Variants in KATNIP observed in about 807,000 individuals in gnomAD.
The protein encoded by KATNIP is katanin-interacting protein.
Under a neutral mutation model 174.0 loss-of-function variants are expected in KATNIP, and 126 were observed. The ratio of observed to expected loss-of-function variants is 0.72; its 90% CI spans 0.63 to 0.84. KATNIP has a LOEUF of 0.84. Ranked by LOEUF, KATNIP falls within the 40% of genes least tolerant of loss-of-function variation. The probability of loss-of-function intolerance (pLI) is 0.00; values close to 1 mark genes in which losing one functional copy is unlikely to be tolerated. For missense variants in KATNIP, 1,958 were observed against 2,109.7 expected (o/e 0.93, Z 1.41); for synonymous variants, 810 against 835.7 (o/e 0.97, Z 0.53).
At chr16:27,661,270 G>A (rs951712858) in intron 6 of KATNIP, among the ~76,000 whole-genome samples, 1 of 152,190 alleles carries the variant, frequency 6.6e-6, no homozygotes, top group Non-Finnish European at 1.5e-5. Flanking sequence ...GTCAGGGCAT[G>A]CAGGGAATGG....
At chr16:27,767,241 G>A (rs549359018) in intron 20 of KATNIP, among the ~76,000 whole-genome samples, 186 of 152,240 alleles carry the variant, frequency 1.2e-3, no homozygotes, top group South Asian at 0.01. Context: ...CCTCTGGCAC[G>A]TGGCCTGCCT....
In KATNIP at chr16:27,657,858, C is replaced by T. The variant is rs534461291; in HGVS notation, c.540+9123C>T. Among the ~76,000 whole-genome samples the T allele has an allele frequency of 3.3e-5, 5 of 152,178 alleles. No homozygotes were observed. The East Asian group carries it at 5.8e-4, about 18-fold the overall frequency. On this transcript the variant is annotated intron_variant, in intron 6 of 27. Coordinates refer to ENST00000261588, the MANE Select transcript of KATNIP (RefSeq NM_015202.5). ...CCGGGAGTCGGAGGTTGCAGTGAGC[C>T]GAGATCATGCCACGGCACTCCAGCC...
chr16:27,576,148 GC>G lies in KATNIP; in HGVS notation c.63+2193del, dbSNP rs770551947. Among the ~76,000 whole-genome samples the G allele has an allele frequency of 3.9e-5, 6 of 152,304 alleles. No homozygotes were observed. In the East Asian group the frequency reaches 9.6e-4, roughly 24 times the overall value. On this transcript the variant is annotated intron_variant, in intron 2 of 27. Coordinates refer to ENST00000261588, the MANE Select transcript of KATNIP (RefSeq NM_015202.5). Reference sequence around the variant, plus strand: ...AAGAAATTAACTGGGAAACCATGGAGCGGGGCGGGGGAAACTAGTTGAGATA... The same window carrying G: ...AAGAAATTAACTGGGAAACCATGGAGGGGGCGGGGGAAACTAGTTGAGATA...
intron 8 of KATNIP, among the ~76,000 whole-genome samples, chr16:27,691,491 T>C (rs2078732370): frequency 6.6e-6 from 1 of 152,168 alleles, no homozygotes; most frequent in Admixed American, 6.5e-5. Flanking sequence ...CATCATGGGG[T>C]ATTCAGGCTA....
chr16:27,771,349 A>G (rs2082293127), intron 21 of KATNIP, among the ~76,000 whole-genome samples: 1 of 152,078 alleles, frequency 6.6e-6, no homozygotes. Context: ...AAAAGAGTCC[A>G]TTTCAGGAAA....
chr16:27,660,202 C>G (rs890103607), intron 6 of KATNIP, among the ~76,000 whole-genome samples: 2 of 152,164 alleles, frequency 1.3e-5, no homozygotes, highest in African/African-American at 4.8e-5. Flanking sequence ...CCTGCCAGCT[C>G]TGAAATCGTA....
At chr16:27,679,612 C>T (rs943801214) in intron 7 of KATNIP, among the ~76,000 whole-genome samples, 16 of 151,966 alleles carry the variant, frequency 1.1e-4, no homozygotes, top group East Asian at 3.9e-4. Flanking sequence ...ATTAGCCAGA[C>T]GTAGTAGTGC....
At chr16:27,629,154 C>G (rs949422856) in intron 4 of KATNIP, among the ~76,000 whole-genome samples, 1 of 139,662 alleles carries the variant, frequency 7.2e-6, no homozygotes, top group Admixed American at 7.6e-5. Flanking sequence ...GGTGACAGAG[C>G]GAGACTCTGT....
rs1456241064 is a variant in KATNIP at position 27,628,794 on chromosome 16, T to C, written c.274T>C (p.Phe92Leu). 1.4e-5 allele frequency: 23 copies of C among 1,614,090 alleles called. No individual in the cohort carries two copies. The highest frequency in any genetic ancestry group is 1.9e-5 in the Non-Finnish European group (23 of 1,180,044). ...SSPRKAIHSDFSRSASHTEGT... is the reference protein window; with the variant it reads ...SSPRKAIHSDLSRSASHTEGT... ...ACCGCGGAAAGCTATTCACTCTGAC[T>C]TCTCCAGAAGTGCCTCCCACACGGA... The change falls in exon 4 of 28, where the codon TTC (phenylalanine) becomes CTC (leucine). Residue 92 changes from phenylalanine to leucine, a missense_variant. This residue lies in a region of KATNIP where 1,557 missense variants were observed against 1,617.8 expected (regional missense o/e 0.96). Transcript: ENST00000261588.
At chr16:27,723,385 A>G (rs911232495) in intron 14 of KATNIP, among the ~76,000 whole-genome samples, 10 of 136,310 alleles carry the variant, frequency 7.3e-5, no homozygotes, top group Non-Finnish European at 1.4e-4. Context: ...TCCCCCCTCC[A>G]CCCCCATCTC....
chr16:27,578,125 G>A (rs923321418), intron 2 of KATNIP, among the ~76,000 whole-genome samples: 3 of 152,110 alleles, frequency 2.0e-5, no homozygotes, highest in African/African-American at 7.2e-5. Flanking sequence ...GTTCCAATGT[G>A]CAGCCATGCA....
At chr16:27,650,814 G>A (rs998269367) in intron 6 of KATNIP, among the ~76,000 whole-genome samples, 16 of 152,192 alleles carry the variant, frequency 1.1e-4, no homozygotes, top group Admixed American at 8.5e-4. Context: ...TCTATGGAAT[G>A]ATCCAATGAC....
At chr16:27,738,770 C>T (rs2080993624) in intron 14 of KATNIP, among the ~76,000 whole-genome samples, 1 of 152,214 alleles carries the variant, frequency 6.6e-6, no homozygotes. Flanking sequence ...CGGCATCCTC[C>T]TGGCTCCCTT....
At chr16:27,667,827 C>T (rs2077737222) in intron 6 of KATNIP, among the ~76,000 whole-genome samples, 1 of 152,130 alleles carries the variant, frequency 6.6e-6, no homozygotes. Context: ...CTGTTAATTT[C>T]GTTTTGACCC....
intron 6 of KATNIP, among the ~76,000 whole-genome samples, chr16:27,663,152 CTT>C (rs11440523): frequency 1.2e-5 from 1 of 80,044 alleles, no homozygotes; most frequent in African/African-American, 4.9e-5. Flanking sequence ...TTTTCTTCTT[CTT>C]TTTTTTTTTT....
At position 27,678,031 on chromosome 16, in the gene KATNIP, TG is replaced by T. The variant is rs2078186967; in HGVS notation, c.808+37del. 5.0e-6 allele frequency: 8 copies of T among 1,601,768 alleles called. 1 individual carries two copies. The African/African-American group carries it at 8.0e-5, about 16-fold the overall frequency. ...GTCTTGTATATCATTTCTTTGCCAT[TG>T]GTGTCTCTGCATCTAATAGCAGGAC... is the stretch of plus-strand genomic sequence containing the variant. On this transcript the variant is annotated intron_variant, in intron 7 of 27. Transcript: ENST00000261588.
At chr16:27,613,062 C>T (rs989511255) in intron 2 of KATNIP, among the ~76,000 whole-genome samples, 4 of 151,904 alleles carry the variant, frequency 2.6e-5, no homozygotes, top group African/African-American at 4.8e-5. Context: ...AGTCCGAGAC[C>T]AGCCCGGGCA....
At chr16:27,633,603 T>A (rs1297454948) in intron 5 of KATNIP, among the ~76,000 whole-genome samples, 1 of 152,176 alleles carries the variant, frequency 6.6e-6, no homozygotes, top group Non-Finnish European at 1.5e-5. Flanking sequence ...GTTGTTATTT[T>A]TTAACTTGTG....
rs888597430 is a variant in KATNIP, at chr16:27,654,859, G to A, written c.540+6124G>A. The A allele has an allele frequency of 1.4e-5, 12 of 885,620 alleles. No individual in the cohort carries two copies. In the African/African-American group the frequency reaches 2.1e-4, roughly 15 times the overall value. The allele number at this position is 885,620 out of a possible 1,614,324, so 54.9% of individuals were successfully genotyped here. A position where few individuals can be genotyped will look rare whatever the true frequency, so the allele number is the denominator to read the frequency against. On this transcript the variant is annotated intron_variant, in intron 6 of 27. Coordinates refer to ENST00000261588, the MANE Select transcript of KATNIP (RefSeq NM_015202.5). ...CTAGGAAAACCACAGGGCGGGCACG[G>A]TGGCTTATACCTGTAATCCCAGCAC...
Sources: gnomAD v4.1 joint callset for allele counts (sites outside exome capture counted in the v4.1 genomes callset) on GRCh38, gnomAD v4.1.1 for gene constraint, gnomAD v4.1.1 regional missense constraint, MANE v1.5 for transcripts, NCBI Gene and HGNC (gene_info 2026-07-23, HGNC 2026-07-21) for gene names.